The following PAK5 variants were observed in gnomAD, a reference collection of about 807,000 sequenced individuals.
The protein encoded by PAK5 is p21 (RAC1) activated kinase 5, also known as serine/threonine-protein kinase PAK 5.
In PAK5, 16 loss-of-function variants were observed where a neutral mutation model predicts 65.9. The observed-to-expected ratio is 0.24, with a 90% CI of 0.16 to 0.37. The LOEUF is 0.37. Among genes scored for constraint, PAK5 ranks in the 10% least tolerant of loss-of-function variants. PAK5 has a pLI of 1.00. For missense variants in PAK5, 785 were observed against 903.9 expected (o/e 0.87, Z 1.69); for synonymous variants, 371 against 354.9 (o/e 1.05, Z -0.51).
intron 2 of PAK5, among the ~76,000 whole-genome samples, chr20:9,663,016 T>C (rs969021810): frequency 1.3e-5 from 2 of 152,328 alleles, no homozygotes; most frequent in East Asian, 1.9e-4. Context: ...TTAGCCACTA[T>C]GTGAATTTTC....
At chr20:9,800,139 C>T (rs2049153106) in intron 1 of PAK5, among the ~76,000 whole-genome samples, 1 of 151,986 alleles carries the variant, frequency 6.6e-6, no homozygotes, top group South Asian at 2.1e-4. Flanking sequence ...ATCCTTTAGG[C>T]TTCTTAGCCA....
intron 1 of PAK5, among the ~76,000 whole-genome samples, chr20:9,770,167 G>A (rs1264694340): frequency 2.0e-5 from 3 of 152,094 alleles, no homozygotes; most frequent in African/African-American, 7.2e-5. Flanking sequence ...GAGGACGGTC[G>A]ACTTCCTAAG....
intron 1 of PAK5, among the ~76,000 whole-genome samples, chr20:9,728,125 T>G (rs1432730830): frequency 1.3e-5 from 2 of 152,114 alleles, no homozygotes; most frequent in African/African-American, 4.8e-5. Context: ...CCTGCCCTCA[T>G]GGACAGGATC....
chr20:9,806,628 A>G (rs2049236025), intron 1 of PAK5, among the ~76,000 whole-genome samples: 1 of 152,102 alleles, frequency 6.6e-6, no homozygotes, highest in African/African-American at 2.4e-5. Flanking sequence ...TTCTCTTTTC[A>G]CTAAGTCCTC....
intron 2 of PAK5, among the ~76,000 whole-genome samples, chr20:9,652,621 G>A (rs1271997310): frequency 6.6e-6 from 1 of 152,088 alleles, no homozygotes; most frequent in Non-Finnish European, 1.5e-5. Flanking sequence ...CTTGTACCTG[G>A]TCCCCATTTC....
chr20:9,784,575 A>G (rs1040098703), intron 1 of PAK5: 1 of 152,168 alleles, frequency 6.6e-6, no homozygotes, highest in Non-Finnish European at 1.5e-5. Context: ...AGAAGCCAAG[A>G]TAGAAATGTT....
chr20:9,666,173 C>A (rs576824890), intron 2 of PAK5, among the ~76,000 whole-genome samples: 1 of 151,826 alleles, frequency 6.6e-6, no homozygotes, highest in Admixed American at 6.6e-5. Flanking sequence ...AGAAAGAATC[C>A]GATATAACTT....
At chr20:9,591,428 G>C (rs867812937) in intron 3 of PAK5, among the ~76,000 whole-genome samples, 24 of 152,184 alleles carry the variant, frequency 1.6e-4, no homozygotes, top group Middle Eastern at 3.4e-3. Flanking sequence ...CATATTCTGT[G>C]GGGGGCAGAA....
At chr20:9,678,554 G>A (rs931386616) in intron 2 of PAK5, among the ~76,000 whole-genome samples, 3 of 152,102 alleles carry the variant, frequency 2.0e-5, no homozygotes, top group Non-Finnish European at 2.9e-5. Context: ...GTGACAGAGC[G>A]AGACTCCATC....
At chr20:9,669,776 TTTA>T (rs1053590896) in intron 2 of PAK5, among the ~76,000 whole-genome samples, 1 of 152,040 alleles carries the variant, frequency 6.6e-6, no homozygotes, top group African/African-American at 2.4e-5. Context: ...TTTTTAAAAT[TTTA>T]TTATTATTAT....
At chr20:9,607,889 T>C (rs2046484455) in intron 3 of PAK5, among the ~76,000 whole-genome samples, 1 of 152,148 alleles carries the variant, frequency 6.6e-6, no homozygotes, top group Non-Finnish European at 1.5e-5. Context: ...TTTGGTACTA[T>C]TAGTCGATTT....
chr20:9,568,849 T>A (rs554949894), intron 4 of PAK5, among the ~76,000 whole-genome samples: 4 of 152,068 alleles, frequency 2.6e-5, no homozygotes, highest in South Asian at 2.1e-4. Context: ...ATAAAAATAA[T>A]AATAATAATA....
At chr20:9,577,075 C>T (rs562059747) in intron 4 of PAK5, among the ~76,000 whole-genome samples, 2 of 152,122 alleles carry the variant, frequency 1.3e-5, no homozygotes, top group Admixed American at 6.5e-5. Flanking sequence ...TGTCTGCAGG[C>T]GAGGGTGGAA....
intron 6 of PAK5, 34 bp from the exon 7 acceptor site, chr20:9,557,768 G>A (rs1200083728): frequency 6.3e-7 from 1 of 1,587,758 alleles, no homozygotes. Context: ...GAACAAGACA[G>A]GTTTAAGAAC....
At chr20:9,627,529 T>C (rs1313453805) in intron 3 of PAK5, among the ~76,000 whole-genome samples, 1 of 152,192 alleles carries the variant, frequency 6.6e-6, no homozygotes, top group East Asian at 1.9e-4. Context: ...AGGTGAAAGA[T>C]ACCACTGGAA....
In PAK5 at chr20:9,618,721, T is replaced by C. The variant is rs568876305; in HGVS notation, c.204+25404A>G. On this transcript the variant is annotated intron_variant, in intron 3 of 9. Coordinates refer to ENST00000353224, the MANE Select transcript of PAK5 (RefSeq NM_177990.4). ...AGCCACTGCGCCCGGCTGGAACTTATTTTTAATTCAATCATCAAATCTTTA... is the reference window on the plus strand; with the variant it reads ...AGCCACTGCGCCCGGCTGGAACTTACTTTTAATTCAATCATCAAATCTTTA... 1.3e-4 allele frequency among the ~76,000 whole-genome samples: 20 copies of C among 151,854 alleles called. No individual in the cohort carries two copies. In the South Asian group the frequency reaches 3.3e-3, roughly 25 times the overall value.
chr20:9,832,707 C>T (rs1255906339), intron 1 of PAK5, among the ~76,000 whole-genome samples: 3 of 152,114 alleles, frequency 2.0e-5, no homozygotes, highest in African/African-American at 7.2e-5. Flanking sequence ...GTATTTTTTA[C>T]TTTTTTAATA....
At chr20:9,604,661 T>C (rs1261809373) in intron 3 of PAK5, among the ~76,000 whole-genome samples, 1 of 152,238 alleles carries the variant, frequency 6.6e-6, no homozygotes, top group Non-Finnish European at 1.5e-5. Flanking sequence ...TAATGACTCC[T>C]CCTGCTTTGT....
intron 3 of PAK5, among the ~76,000 whole-genome samples, chr20:9,601,743 G>A (rs1436996503): frequency 6.6e-6 from 1 of 151,890 alleles, no homozygotes; most frequent in Non-Finnish European, 1.5e-5. Flanking sequence ...TATATATATC[G>A]ACTGGTTCCT....
Sources: gnomAD v4.1 joint callset for allele counts (sites outside exome capture counted in the v4.1 genomes callset) on GRCh38, gnomAD v4.1.1 for gene constraint, MANE v1.5 for transcripts, NCBI Gene and HGNC (gene_info 2026-07-23, HGNC 2026-07-21) for gene names.